ANOS1: variants seen among roughly 807,000 people sequenced by gnomAD.
The protein encoded by ANOS1 is anosmin 1.
A neutral mutation model predicts 59.0 loss-of-function variants in ANOS1; 6 were observed. The ratio of observed to expected loss-of-function variants is 0.10; its 90% confidence interval spans 0.06 to 0.20. The LOEUF is 0.20. Among genes scored for constraint, ANOS1 ranks in the 10% least tolerant of loss-of-function variants. ANOS1 has a pLI of 1.00. For missense variants in ANOS1, 433 were observed against 542.3 expected (o/e 0.80, Z 2.00); for synonymous variants, 217 against 223.4 (o/e 0.97, Z 0.25).
At chrX:8,661,485 C>T in intron 2 of ANOS1, among the ~76,000 whole-genome samples, 1 of 111,670 alleles carries the variant, frequency 9.0e-6, no homozygotes, top group Admixed American at 9.5e-5. Context: ...CTTAATTACC[C>T]CTTTAAAGAC....
At chrX:8,702,338 A>G (rs982270978) in intron 1 of ANOS1, among the ~76,000 whole-genome samples, 1 of 112,266 alleles carries the variant, frequency 8.9e-6, no homozygotes, top group Non-Finnish European at 1.9e-5. Flanking sequence ...AGGGCATAAC[A>G]TACCCTTTTA....
chrX:8,585,093 C>T (rs1930488168), intron 6 of ANOS1, among the ~76,000 whole-genome samples, 174 bp downstream of exon 6: 1 of 112,053 alleles, frequency 8.9e-6, no homozygotes, highest in South Asian at 3.7e-4. Flanking sequence ...CCAATTTTGT[C>T]CTTAGCCATA....
chrX:8,601,193 CAAAA>C (rs34363483), intron 3 of ANOS1, among the ~76,000 whole-genome samples: 640 of 62,112 alleles, frequency 0.01, 12 homozygotes, highest in African/African-American at 0.038. Context: ...GACTTTGTCT[CAAAA>C]AAAAAAAAAA....
At chrX:8,697,801 A>G (rs983228501) in intron 2 of ANOS1, among the ~76,000 whole-genome samples, 13 of 111,872 alleles carry the variant, frequency 1.2e-4, no homozygotes, top group African/African-American at 4.2e-4. Flanking sequence ...ACAGGGATGT[A>G]TATGTCTCTA....
chrX:8,548,748 T>A (rs1222641730), intron 9 of ANOS1, among the ~76,000 whole-genome samples: 1 of 112,364 alleles, frequency 8.9e-6, no homozygotes, highest in African/African-American at 3.2e-5. Flanking sequence ...ATCTTTGGAA[T>A]CAAGGTTTTG....
At chrX:8,608,215 A>G (rs898701371) in intron 3 of ANOS1, among the ~76,000 whole-genome samples, 8 of 112,175 alleles carry the variant, frequency 7.1e-5, no homozygotes, top group African/African-American at 2.3e-4. Flanking sequence ...CATGGATCCT[A>G]GCACATAATA....
At chrX:8,651,794 G>A (rs1169858675) in intron 2 of ANOS1, among the ~76,000 whole-genome samples, 2 of 112,071 alleles carry the variant, frequency 1.8e-5, no homozygotes, top group African/African-American at 6.5e-5. Flanking sequence ...TAAAGTTTCA[G>A]CCACAATTAG....
chrX:8,731,027 A>G (rs1453319773), intron 1 of ANOS1, among the ~76,000 whole-genome samples: 3 of 111,786 alleles, frequency 2.7e-5, no homozygotes, highest in East Asian at 5.8e-4. Context: ...GCGCGCGCGC[A>G]CACACACATA....
chrX:8,546,247 G>C (rs180723043), intron 9 of ANOS1, among the ~76,000 whole-genome samples: 1 of 111,995 alleles, frequency 8.9e-6, no homozygotes, highest in Non-Finnish European at 1.9e-5. Context: ...CATGTGGTGA[G>C]TACATAAAAG....
At chrX:8,680,782 G>C (rs1932413037) in intron 2 of ANOS1, among the ~76,000 whole-genome samples, 1 of 111,532 alleles carries the variant, frequency 9.0e-6, no homozygotes, top group Non-Finnish European at 1.9e-5. Flanking sequence ...CCCTAGTTAA[G>C]AGTATCAGAA....
intron 7 of ANOS1, among the ~76,000 whole-genome samples, chrX:8,569,608 C>G (rs1448160165): frequency 8.9e-6 from 1 of 111,792 alleles, no homozygotes; most frequent in Non-Finnish European, 1.9e-5. Context: ...CTCCACTGCA[C>G]TCCAGTCTGA....
chrX:8,694,824 A>C (rs972155860), intron 2 of ANOS1, among the ~76,000 whole-genome samples: 5 of 112,202 alleles, frequency 4.5e-5, no homozygotes, highest in Non-Finnish European at 9.4e-5. Flanking sequence ...GACTGAAAAA[A>C]AGGAAATTAA....
At chrX:8,692,943 T>C (rs1418729783) in intron 2 of ANOS1, among the ~76,000 whole-genome samples, 1 of 112,333 alleles carries the variant, frequency 8.9e-6, no homozygotes, top group Non-Finnish European at 1.9e-5. Flanking sequence ...ACCTAAGTCA[T>C]GAACATAGGA....
At chrX:8,668,426 T>TACACACACAC (rs1453290696) in intron 2 of ANOS1, among the ~76,000 whole-genome samples, 6 of 81,864 alleles carry the variant, frequency 7.3e-5, no homozygotes, top group African/African-American at 2.8e-4. Flanking sequence ...TATATATATA[T>TACACACACAC]ATATACACAC....
intron 8 of ANOS1, among the ~76,000 whole-genome samples, chrX:8,560,688 C>T (rs1930018790): frequency 8.9e-6 from 1 of 112,434 alleles, no homozygotes; most frequent in African/African-American, 3.2e-5. Flanking sequence ...TATCCAGTTT[C>T]ACATAATTCA....
chrX:8,636,443 A>G (rs1420817241), intron 2 of ANOS1, among the ~76,000 whole-genome samples: 1 of 112,109 alleles, frequency 8.9e-6, no homozygotes. Flanking sequence ...TATATCAGTA[A>G]TATATAAGAA....
rs1173021674 is a variant in ANOS1, at chrX:8,729,712, T to TAA, written c.207+2116_207+2117dup. Among the ~76,000 whole-genome samples the TAA allele has an allele frequency of 3.3e-3, 209 of 63,034 alleles. 6 individuals carry two copies. The highest frequency in any genetic ancestry group is 0.011 in the African/African-American group (179 of 16,940). 54.7% of individuals were successfully genotyped at this position (63,034 alleles called of 115,157 possible). The stretch of plus-strand genomic sequence containing the variant: ...CCCGGCCCATCTTCCTTCTAATTAT[T>TAA]AAAAAAAAAAAAAAAAAAAAAAAAA... On this transcript the variant is annotated intron_variant, in intron 1 of 13. Transcript: ENST00000262648.
intron 2 of ANOS1, among the ~76,000 whole-genome samples, chrX:8,624,501 TATCTC>T (rs79160326): frequency 0.076 from 8,464 of 111,387 alleles, 399 homozygotes; most frequent in South Asian, 0.22. Context: ...CTTGTGTCCT[TATCTC>T]AATGAATCCA....
Position 8,675,434 on chromosome X carries a change from C to T in ANOS1, c.255+24264G>A, listed in dbSNP as rs555053899. Among the ~76,000 whole-genome samples the T allele has an allele frequency of 2.4e-4, 27 of 111,357 alleles. 1 individual carries two copies. The South Asian group carries it at 0.01, about 42-fold the overall frequency. On this transcript the variant is annotated intron_variant, in intron 2 of 13. Coordinates refer to ENST00000262648, the MANE Select transcript of ANOS1 (RefSeq NM_000216.4). ...CCATTTCATCAGAAATCATTCCCTC[C>T]GTGGCAGTGTGCAAAGACAGTCCAC...
Sources: gnomAD v4.1 joint callset for allele counts (sites outside exome capture counted in the v4.1 genomes callset) on GRCh38, gnomAD v4.1.1 for gene constraint, MANE v1.5 for transcripts, NCBI Gene and HGNC (gene_info 2026-07-23, HGNC 2026-07-21) for gene names.